PCDHGA8: variants seen among roughly 807,000 people sequenced by gnomAD.
PCDHGA8 encodes protocadherin gamma subfamily A, 8.
A neutral mutation model predicts 59.2 loss-of-function variants in PCDHGA8; 45 were observed. The observed-to-expected ratio is 0.76, with a 90% CI of 0.60 to 0.98. The LOEUF (loss-of-function observed/expected upper bound fraction) is 0.98, where lower values mean the gene tolerates loss of function less well. Ranked by LOEUF, PCDHGA8 falls within the 50% of genes least tolerant of loss-of-function variation. The probability of loss-of-function intolerance (pLI) is 0.00; values close to 1 mark genes in which losing one functional copy is unlikely to be tolerated. For missense variants in PCDHGA8, 1,257 were observed against 1,196.2 expected (o/e 1.05, Z -0.75); for synonymous variants, 531 against 519.0 (o/e 1.02, Z -0.32).
Position 141,393,276 on chromosome 5 carries a change from C to T in PCDHGA8, c.463C>T (p.Pro155Ser), listed in dbSNP as rs773579763. 1 of 1,613,968 alleles carries T rather than the reference C, an allele frequency of 6.2e-7. No homozygotes were observed. The highest frequency in any genetic ancestry group is 1.3e-5 in the African/African-American group (1 of 75,070). ...GGTTCCTGGAGCACGTTATCCACTC[C>T]CAGAAGCTGTTGACCCGGATGTGGG... The part of the protein sequence containing the change: ...IAVPGARYPL[P>S]EAVDPDVGVN... The change falls in exon 1 of 4, where the codon CCA (proline) becomes TCA (serine). Residue 155 changes from proline to serine, a missense_variant. Coordinates refer to ENST00000398604, the MANE Select transcript of PCDHGA8 (RefSeq NM_032088.2).
chr5:141,487,695 C>T lies in PCDHGA8; in HGVS notation c.2425-7112C>T, dbSNP rs1345224043. The stretch of plus-strand genomic sequence containing the variant: ...TGGCTAGGCCATGTCCTAGAGAGTA[C>T]TGGCCTCTCAGTAAGTGCCCATAGT... On this transcript the variant is annotated intron_variant, in intron 1 of 3. Coordinates refer to ENST00000398604, the MANE Select transcript of PCDHGA8 (RefSeq NM_032088.2). The surrounding 1 kb of genome is among the most constrained non-coding windows in gnomAD (Gnocchi z 5.0). 2 of 1,601,306 alleles carry T rather than the reference C, an allele frequency of 1.2e-6. No individual in the cohort carries two copies. Among genetic ancestry groups the T allele is most frequent in the East Asian group, 2.2e-5 (1 of 44,606 alleles).
At chr5:141,492,312 C>G (rs1470136040) in intron 1 of PCDHGA8, among the ~76,000 whole-genome samples, 3 of 152,230 alleles carry the variant, frequency 2.0e-5, no homozygotes, top group Non-Finnish European at 4.4e-5. Context: ...CGCACGCACT[C>G]CTCGCACGTG....
chr5:141,433,029 T>C (rs2097561523), intron 1 of PCDHGA8: 2 of 1,613,998 alleles, frequency 1.2e-6, no homozygotes, highest in African/African-American at 2.7e-5. Flanking sequence ...TCCCACGAGG[T>C]TTCCCTCACC....
intron 1 of PCDHGA8, chr5:141,400,747 G>T (rs2094069778): frequency 5.0e-6 from 3 of 602,662 alleles, no homozygotes; most frequent in African/African-American, 1.9e-5. Context: ...TTTGCTCTTA[G>T]CTTCCTCTCT....
At chr5:141,422,683 G>A in intron 1 of PCDHGA8, 1 of 1,605,286 alleles carries the variant, frequency 6.2e-7, no homozygotes, top group Non-Finnish European at 8.5e-7. Flanking sequence ...CAAACAGAAT[G>A]CCCTGGTCAC....
At position 141,477,483 on chromosome 5, in the gene PCDHGA8, A is replaced by T; in HGVS notation, c.2425-17324A>T. ...TCCGACATCAATGACAACCCTCCAC[A>T]ATCTTCTCAATCTTCCTACGACGTT... On this transcript the variant is annotated intron_variant, in intron 1 of 3. Coordinates refer to ENST00000398604, the MANE Select transcript of PCDHGA8 (RefSeq NM_032088.2). The surrounding 1 kb of genome is among the most constrained non-coding windows in gnomAD (Gnocchi z 4.9). 1 of 1,614,028 alleles carries T rather than the reference A, an allele frequency of 6.2e-7. No homozygotes were observed.
chr5:141,423,070 C>G, intron 1 of PCDHGA8: 1 of 1,614,132 alleles, frequency 6.2e-7, no homozygotes, highest in Non-Finnish European at 8.5e-7. Flanking sequence ...GGCCAGCGAG[C>G]CGGGACTCTT....
chr5:141,458,933 A>G (rs920768063), intron 1 of PCDHGA8, among the ~76,000 whole-genome samples: 3 of 151,912 alleles, frequency 2.0e-5, no homozygotes, highest in Admixed American at 6.6e-5. Flanking sequence ...GGGTCTCACT[A>G]TGTTGCTTAG....
Position 141,393,467 on chromosome 5 carries a change from C to G in PCDHGA8, c.654C>G (p.Gly218=), listed in dbSNP as rs1589192441. 6.2e-7 allele frequency: 1 copy of G among 1,614,044 alleles called. No individual in the cohort carries two copies. Among genetic ancestry groups the G allele is most frequent in the East Asian group, 2.2e-5 (1 of 44,872 alleles). ...TGGTCCTCACGGCCTCGGATGGCGG[C>G]AAGCCGCCTCGCTCTAGCACAGTGC... The part of the protein sequence containing the change: ...HHLVLTASDG[G]KPPRSSTVRI... Residue 218 remains glycine, a synonymous_variant, in exon 1 of 4, where the codon GGC becomes GGG. Transcript: ENST00000398604.
chr5:141,423,335 G>T (rs781241820), intron 1 of PCDHGA8: 11 of 1,614,046 alleles, frequency 6.8e-6, no homozygotes, highest in Non-Finnish European at 9.3e-6. Context: ...GCAGTCTCCT[G>T]CATCTTCCTG....
In PCDHGA8 at chr5:141,489,958, C is replaced by T; in HGVS notation, c.2425-4849C>T. 1 of 1,614,202 alleles carries T rather than the reference C, an allele frequency of 6.2e-7. No individual in the cohort carries two copies. The highest frequency in any genetic ancestry group is 8.5e-7 in the Non-Finnish European group (1 of 1,180,016). On this transcript the variant is annotated intron_variant, in intron 1 of 3. Transcript: ENST00000398604. This position sits in a 1 kb window ranked among gnomAD's most constrained non-coding sequence, Gnocchi z 4.5. ...CGTGCTGGACATCAATGATAATGCT[C>T]CAACCTTCCAATCCTCAGTTCTACG... is the stretch of plus-strand genomic sequence containing the variant.
At chr5:141,405,118 G>C (rs368800698) in intron 1 of PCDHGA8, 2 of 1,613,946 alleles carry the variant, frequency 1.2e-6, no homozygotes, top group Non-Finnish European at 8.5e-7. Flanking sequence ...GGCACTCCTC[G>C]CATCTGCTGC....
intron 1 of PCDHGA8, among the ~76,000 whole-genome samples, chr5:141,425,406 T>C (rs915792432): frequency 3.9e-5 from 6 of 152,222 alleles, no homozygotes; most frequent in Non-Finnish European, 7.3e-5. Flanking sequence ...TCTGTTAAGG[T>C]ATAACATATA....
rs759819103 is a variant in PCDHGA8, at chr5:141,398,546, T to A, written c.2424+3309T>A. On this transcript the variant is annotated intron_variant, in intron 1 of 3. Transcript: ENST00000398604. ...AAATTCACGCAAAATTCCTTTGAGC[T>A]GCAAATAAGTGAGTCTGCACAGCCT... 3.1e-6 allele frequency: 5 copies of A among 1,613,902 alleles called. No homozygotes were observed. The East Asian group carries it at 1.1e-4, about 36-fold the overall frequency.
intron 1 of PCDHGA8, chr5:141,427,962 G>T: frequency 2.5e-6 from 4 of 1,590,100 alleles, no homozygotes; most frequent in Non-Finnish European, 3.4e-6. Flanking sequence ...TGTGCCGCGG[G>T]TGCTGTACCC....
intron 1 of PCDHGA8, among the ~76,000 whole-genome samples, chr5:141,452,199 G>T (rs2098736057): frequency 1.3e-5 from 2 of 151,778 alleles, no homozygotes; most frequent in African/African-American, 4.8e-5. Flanking sequence ...AATTGTTTTA[G>T]ATGTTACCAA....
At chr5:141,408,882 A>G (rs1561715935) in intron 1 of PCDHGA8, 1 of 1,613,404 alleles carries the variant, frequency 6.2e-7, no homozygotes, top group Admixed American at 1.7e-5. Context: ...GCCACCGCTC[A>G]CATAGAAATT....
intron 1 of PCDHGA8, chr5:141,417,979 G>C (rs2096202372): frequency 6.2e-7 from 1 of 1,613,752 alleles, no homozygotes; most frequent in Admixed American, 1.7e-5. Context: ...TTCCGGAGGA[G>C]CTGGCCAAGG....
At chr5:141,397,304 A>G (rs1206880219) in intron 1 of PCDHGA8, among the ~76,000 whole-genome samples, 2 of 152,202 alleles carry the variant, frequency 1.3e-5, no homozygotes, top group Non-Finnish European at 2.9e-5. Context: ...TATTTCCTGA[A>G]GTAGAAGAGT....
Sources: allele counts gnomAD v4.1 joint callset (sites outside exome capture counted in the v4.1 genomes callset), GRCh38; gene constraint gnomAD v4.1.1; non-coding constraint Gnocchi (gnomAD v3.1); transcripts MANE v1.5; gene names NCBI Gene and HGNC (gene_info 2026-07-23, HGNC 2026-07-21).